The following INTS1 variants were observed in gnomAD, a reference collection of about 807,000 sequenced individuals.
INTS1 encodes integrator complex subunit 1.
In INTS1, 137 loss-of-function variants were observed where a neutral mutation model predicts 241.6. The ratio of observed to expected loss-of-function variants is 0.57; its 90% CI spans 0.49 to 0.65. The LOEUF (loss-of-function observed/expected upper bound fraction) is 0.65. INTS1 is among the 30% of genes least tolerant of loss of function. The pLI is 0.00. For synonymous variants in INTS1, 1,692 were observed against 1,337.8 expected, an observed-to-expected ratio of 1.26 and a Z score of -5.78; for missense variants, 3,073 against 3,032.2, an observed-to-expected ratio of 1.01 and a Z score of -0.32.
In INTS1 at chr7:1,483,899, G is replaced by C; in HGVS notation, c.3430-46C>G. The C allele has an allele frequency of 2.5e-6, 4 of 1,590,950 alleles. No individual in the cohort carries two copies. In the South Asian group the frequency reaches 4.5e-5, roughly 18 times the overall value. On this transcript the variant is annotated intron_variant, in intron 25 of 47. Coordinates refer to ENST00000404767, the MANE Select transcript of INTS1 (RefSeq NM_001080453.3). ...TCAGGCCGTAAGGTTCAGGGACCCTGAGCCAGCGCCGAGGGTACCCAGCTG... is the reference window on the plus strand; with the variant it reads ...TCAGGCCGTAAGGTTCAGGGACCCTCAGCCAGCGCCGAGGGTACCCAGCTG...
chr7:1,480,620 G>A (rs1781947151), intron 29 of INTS1, among the ~76,000 whole-genome samples, 179 bp from the exon 30 acceptor site: 1 of 152,220 alleles, frequency 6.6e-6, no homozygotes, highest in East Asian at 1.9e-4. Flanking sequence ...GGGATCTCAA[G>A]ACTCTGAACA....
Position 1,496,233 on chromosome 7 carries a change from A to G in INTS1, c.1634T>C (p.Leu545Pro). The G allele has an allele frequency of 6.2e-7, 1 of 1,613,776 alleles. No individual in the cohort carries two copies. Among genetic ancestry groups the G allele is most frequent in the Non-Finnish European group, 8.5e-7 (1 of 1,179,800 alleles). Residue 545 changes from leucine to proline, a missense_variant, in exon 12 of 48, where the codon CTG (leucine) becomes CCG (proline). Leu to Pro is a moderately conservative substitution (Grantham distance 98). Transcript: ENST00000404767. ...ERFVVHITDV[L>P]AVSMMLGITA... ...GATGCCCAGCATCATGGACACGGCC[A>G]GGACGTCGGTGATGTGCACCACGAA...
rs115437267 is a variant in INTS1 at position 1,470,479 on chromosome 7, C to T, written c.*98G>A. On this transcript the variant is annotated 3_prime_UTR_variant, in exon 48 of 48. Transcript: ENST00000404767. ...TCAGGGCTCGGCGCCCTCACCTCCT[C>T]GGACAGACCAGCAACGCCCACGCTT... The T allele has an allele frequency of 8.0e-4, 779 of 975,940 alleles. 2 individuals carry two copies. In the African/African-American group the frequency reaches 8.3e-3, roughly 10 times the overall value. 60.5% of individuals were successfully genotyped at this position (975,940 alleles called of 1,614,324 possible).
intron 44 of INTS1, 38 bp from the exon 45 acceptor site, chr7:1,471,679 C>T (rs764276422): frequency 6.2e-7 from 1 of 1,601,090 alleles, no homozygotes; most frequent in African/African-American, 1.3e-5. Context: ...ACTGAAGGGC[C>T]CAGGCAGACC....
intron 38 of INTS1, 63 bp downstream of exon 38, chr7:1,476,166 T>C: frequency 6.5e-7 from 1 of 1,527,350 alleles, no homozygotes; most frequent in Non-Finnish European, 8.8e-7. Flanking sequence ...CACCCAGGGC[T>C]GGGCCTCGAC....
In INTS1 at chr7:1,474,208, G is replaced by T; in HGVS notation, c.5789C>A (p.Ala1930Glu). The change falls in exon 41 of 48, where the codon GCG becomes GAG. Residue 1930 changes from alanine (A) to glutamate (E), a missense_variant. Physicochemically the swap from Ala to Glu is moderately radical, Grantham distance 107 (BLOSUM62 -1). Coordinates refer to ENST00000404767, the MANE Select transcript of INTS1 (RefSeq NM_001080453.3). ...PHVFRSEHQG[A>E]LWDCLLSFIR... ...GAAGGACAGAAGGCAGTCCCACAGCGCCCCCTGGTGCTCGCTGCGGAACAC... is the reference window on the plus strand; with the variant it reads ...GAAGGACAGAAGGCAGTCCCACAGCTCCCCCTGGTGCTCGCTGCGGAACAC... 1 of 1,590,724 alleles carries T rather than the reference G, an allele frequency of 6.3e-7. No individual in the cohort carries two copies. The highest frequency in any genetic ancestry group is 8.5e-7 in the Non-Finnish European group (1 of 1,170,304).
chr7:1,476,926 G>T lies in INTS1; in HGVS notation c.4939-8C>A. The T allele has an allele frequency of 1.2e-6, 2 of 1,608,342 alleles. No homozygotes were observed. The highest frequency in any genetic ancestry group is 1.7e-6 in the Non-Finnish European group (2 of 1,178,880). On this transcript the variant is annotated splice_region_variant and splice_polypyrimidine_tract_variant and intron_variant, in intron 35 of 47. Coordinates refer to ENST00000404767, the MANE Select transcript of INTS1 (RefSeq NM_001080453.3). ...CTGGGCCTGACCTTTGCCCTGGGGAGGGAGGAAGAAGCCCGGATGGCCTCA... is the reference window on the plus strand; with the variant it reads ...CTGGGCCTGACCTTTGCCCTGGGGATGGAGGAAGAAGCCCGGATGGCCTCA...
At chr7:1,489,910 C>T (rs144685257) in intron 16 of INTS1, among the ~76,000 whole-genome samples, 1 of 152,286 alleles carries the variant, frequency 6.6e-6, no homozygotes, top group Non-Finnish European at 1.5e-5. Flanking sequence ...TGTTTCCCAT[C>T]TACAAAACGG....
Position 1,504,344 on chromosome 7 carries a change from G to GAGC in INTS1, c.-64_-63insGCT, listed in dbSNP as rs1554281867. On this transcript the variant is annotated 5_prime_UTR_variant, in exon 1 of 48. Coordinates refer to ENST00000404767, the MANE Select transcript of INTS1 (RefSeq NM_001080453.3). ...TTACCTCTGGCCCATCGCGACCGGAGCGCCGCCGCCGCCACCCGGCCACCC... is the reference window on the plus strand; with the variant it reads ...TTACCTCTGGCCCATCGCGACCGGAGAGCCGCCGCCGCCGCCACCCGGCCACCC... 4 of 515,738 alleles carry GAGC rather than the reference G, an allele frequency of 7.8e-6. No individual in the cohort carries two copies. Among genetic ancestry groups the GAGC allele is most frequent in the South Asian group, 3.1e-5 (2 of 65,064 alleles). The allele number at this position is 515,738 out of a possible 1,614,324, so 31.9% of individuals were successfully genotyped here.
rs112097883 is a variant in INTS1, at chr7:1,490,002, G to A, written c.2166-320C>T. On this transcript the variant is annotated intron_variant, in intron 16 of 47. Coordinates refer to ENST00000404767, the MANE Select transcript of INTS1 (RefSeq NM_001080453.3). ...ACATGACATAACAGACACCACCCCA[G>A]GAGCCACCGAGATGGAATTATTGTA... Among the ~76,000 whole-genome samples the A allele has an allele frequency of 3.5e-3, 537 of 152,210 alleles. 2 individuals are homozygous for A. The highest frequency in any genetic ancestry group is 0.012 in the African/African-American group (515 of 41,518).
chr7:1,499,964 T>A lies in INTS1; in HGVS notation c.604A>T (p.Ser202Cys). ...ASINFKAKGN[S>C]LVSVLACNLL... is the part of the protein sequence containing the mutation. ...TTACAGGCCAGCACAGACACCAGGC[T>A]GTTCCCCTTGGCCTTGAAGTTGATG... is the stretch of plus-strand genomic sequence containing the variant. The change falls in exon 5 of 48, where the codon AGC (serine) becomes TGC (cysteine). Residue 202 changes from serine (S) to cysteine (C), a missense_variant. By Grantham distance (112) the Ser-to-Cys change is moderately radical. Transcript: ENST00000404767. 1 of 1,613,686 alleles carries A rather than the reference T, an allele frequency of 6.2e-7. No individual in the cohort carries two copies. Among genetic ancestry groups the A allele is most frequent in the African/African-American group, 1.3e-5 (1 of 75,066 alleles).
At chr7:1,473,037 A>G in intron 43 of INTS1, 35 bp downstream of exon 43, 1 of 1,438,682 alleles carries the variant, frequency 7.0e-7, no homozygotes, top group African/African-American at 1.4e-5. Context: ...ACTGTTCCGC[A>G]GCTGCTTCCA....
At chr7:1,472,203 T>C in intron 44 of INTS1, 70 bp downstream of exon 44, 2 of 1,178,710 alleles carry the variant, frequency 1.7e-6, no homozygotes, top group Non-Finnish European at 2.5e-6. Flanking sequence ...AAATGGCTAC[T>C]GGCTGCTGCC....
chr7:1,472,698 C>T (rs1262444622), intron 43 of INTS1, among the ~76,000 whole-genome samples: 1 of 152,116 alleles, frequency 6.6e-6, no homozygotes. Context: ...AGACGTGCTG[C>T]GGTGCCGTGT....
chr7:1,496,160 C>A lies in INTS1; in HGVS notation c.1707G>T (p.Lys569Asn), dbSNP rs770373982. 3 of 1,613,614 alleles carry A rather than the reference C, an allele frequency of 1.9e-6. No individual in the cohort carries two copies. Among genetic ancestry groups the A allele is most frequent in the Non-Finnish European group, 2.5e-6 (3 of 1,179,596 alleles). ...EAGIAWDKGEKRNLEVLRSFQ... is the reference protein window; with the variant it reads ...EAGIAWDKGENRNLEVLRSFQ... ...AGGCCACCCCCACATCCTTACTCCTCTTTTCTCCTTTGTCCCAGGCGATGC... is the reference window on the plus strand; with the variant it reads ...AGGCCACCCCCACATCCTTACTCCTATTTTCTCCTTTGTCCCAGGCGATGC... Residue 569 changes from lysine to asparagine, a missense_variant, in exon 12 of 48, where the codon AAG becomes AAT. Lys to Asn is a moderately conservative substitution (Grantham distance 94). Transcript: ENST00000404767.
At position 1,497,401 on chromosome 7, in the gene INTS1, GC is replaced by G; in HGVS notation, c.1426-88del. ...TTCCCGCAGCACCAACAGGTATGGC[GC>G]CCGAGGGCGCTGCAGTGGGTCTCAG... On this transcript the variant is annotated intron_variant, in intron 10 of 47. Transcript: ENST00000404767. The surrounding 1 kb of genome is among the most constrained non-coding windows in gnomAD (Gnocchi z 5.3). 7.2e-7 allele frequency: 1 copy of G among 1,386,608 alleles called. No homozygotes were observed. Among genetic ancestry groups the G allele is most frequent in the Non-Finnish European group, 9.7e-7 (1 of 1,030,866 alleles). The allele number at this position is 1,386,608 out of a possible 1,614,324, so 85.9% of individuals were successfully genotyped here. A position where few individuals can be genotyped will look rare whatever the true frequency, so the allele number is the denominator to read the frequency against.
chr7:1,497,873 G>C lies in INTS1; in HGVS notation c.1425+539C>G, dbSNP rs2128543532. On this transcript the variant is annotated intron_variant, in intron 10 of 47. Transcript: ENST00000404767. The surrounding 1 kb of genome is among the most constrained non-coding windows in gnomAD (Gnocchi z 5.3). ...GACACGGAAATCCAAGGGTCCTACA[G>C]CCAGGGCTACAGGGACCCCTGCTTA... is the stretch of plus-strand genomic sequence containing the variant. 6.6e-6 allele frequency among the ~76,000 whole-genome samples: 1 copy of C among 152,352 alleles called. No individual in the cohort carries two copies.
Position 1,499,264 on chromosome 7 carries a change from A to G in INTS1, c.941T>C (p.Leu314Pro). ...GCAGGCACGCAGCTACCTGGGCATG[A>G]GCTGGCCCTCCTGCTCGGGGCTCAG... ...EKLSPEQEGQ[L>P]MPRYEELAES... Residue 314 changes from leucine (L) to proline (P), a missense_variant, in exon 7 of 48, where the codon CTC (leucine) becomes CCC (proline). Coordinates refer to ENST00000404767, the MANE Select transcript of INTS1 (RefSeq NM_001080453.3). The G allele has an allele frequency of 6.2e-7, 1 of 1,609,952 alleles. No individual in the cohort carries two copies. The highest frequency in any genetic ancestry group is 1.1e-5 in the South Asian group (1 of 90,904).
intron 18 of INTS1, among the ~76,000 whole-genome samples, chr7:1,488,669 C>T (rs1038954617): frequency 2.6e-5 from 4 of 152,222 alleles, no homozygotes. Flanking sequence ...CACACACTCC[C>T]CGTCCCTATG....
Sources: gnomAD v4.1 joint callset for allele counts (sites outside exome capture counted in the v4.1 genomes callset) on GRCh38, gnomAD v4.1.1 for gene constraint, Gnocchi (gnomAD v3.1) non-coding constraint, MANE v1.5 for transcripts, NCBI Gene and HGNC (gene_info 2026-07-23, HGNC 2026-07-21) for gene names.